The following BMPR2 variants were observed in gnomAD, a reference collection of about 807,000 sequenced individuals.
BMPR2 encodes the protein bone morphogenetic protein receptor type 2.
Under a neutral mutation model 100.8 loss-of-function variants are expected in BMPR2, and 29 were observed. That is an observed-to-expected ratio of 0.29 (90% CI 0.21 to 0.39). The LOEUF is 0.39. Ranked by LOEUF, BMPR2 falls within the 10% of genes least tolerant of loss-of-function variation. The pLI, the probability that BMPR2 is intolerant of heterozygous loss-of-function variation, is 1.00. For missense variants in BMPR2, 1,011 were observed against 1,274.5 expected, an observed-to-expected ratio of 0.79 and a Z score of 3.15; for synonymous variants, 382 against 442.3, an observed-to-expected ratio of 0.86 and a Z score of 1.71.
intron 1 of BMPR2, among the ~76,000 whole-genome samples, chr2:202,378,592 G>C (rs1344711093): frequency 6.6e-6 from 1 of 152,120 alleles, no homozygotes; most frequent in Non-Finnish European, 1.5e-5. Context: ...GGAAAATGCC[G>C]AAGAAAATTT....
At chr2:202,541,250 G>A (rs1688266935) in intron 9 of BMPR2, among the ~76,000 whole-genome samples, 1 of 151,954 alleles carries the variant, frequency 6.6e-6, no homozygotes, top group South Asian at 2.1e-4. Flanking sequence ...AGACCAGCCT[G>A]GGCAACACGG....
intron 1 of BMPR2, among the ~76,000 whole-genome samples, chr2:202,398,622 C>A (rs2105908757): frequency 6.6e-6 from 1 of 152,268 alleles, no homozygotes; most frequent in South Asian, 2.1e-4. Flanking sequence ...TTTGAATATT[C>A]TTGTGGTTTT....
chr2:202,469,448 T>G, intron 3 of BMPR2: 2 of 283,150 alleles, frequency 7.1e-6, no homozygotes, highest in Non-Finnish European at 1.4e-5. Context: ...ATACGCAAAC[T>G]GAAATAAATG....
chr2:202,423,778 G>C (rs571603802), intron 1 of BMPR2, among the ~76,000 whole-genome samples: 8 of 152,222 alleles, frequency 5.3e-5, no homozygotes, highest in South Asian at 4.2e-4. Flanking sequence ...TAAAAGGCCA[G>C]GTACAGTGGC....
chr2:202,533,836 G>C (rs956931746), intron 9 of BMPR2, among the ~76,000 whole-genome samples: 2 of 152,096 alleles, frequency 1.3e-5, no homozygotes, highest in Admixed American at 1.3e-4. Context: ...AAAAGGGAAA[G>C]AATACTCATT....
At chr2:202,474,576 G>T (rs1337934950) in intron 3 of BMPR2, 1 of 152,156 alleles carries the variant, frequency 6.6e-6, no homozygotes, top group Non-Finnish European at 1.5e-5. Flanking sequence ...GCTGGAGTAC[G>T]GTGGCTCACT....
At chr2:202,549,982 T>C (rs1303281775) in intron 10 of BMPR2, among the ~76,000 whole-genome samples, 1 of 152,106 alleles carries the variant, frequency 6.6e-6, no homozygotes, top group Non-Finnish European at 1.5e-5. Context: ...CATAGCTCGC[T>C]ACAGCCTTGA....
At chr2:202,443,655 C>T (rs1162341798) in intron 1 of BMPR2, among the ~76,000 whole-genome samples, 1 of 150,314 alleles carries the variant, frequency 6.7e-6, no homozygotes, top group Non-Finnish European at 1.5e-5. Context: ...CCTCCACCTC[C>T]CTGGTTCAAG....
At chr2:202,404,194 G>A (rs1431780977) in intron 1 of BMPR2, among the ~76,000 whole-genome samples, 1 of 133,800 alleles carries the variant, frequency 7.5e-6, no homozygotes, top group Non-Finnish European at 1.6e-5. Context: ...TCTTTGGGTT[G>A]TTTTTTTTTT....
intron 3 of BMPR2, among the ~76,000 whole-genome samples, chr2:202,492,028 CAT>C (rs1348441989): frequency 2.6e-5 from 4 of 152,092 alleles, no homozygotes; most frequent in Non-Finnish European, 2.9e-5. Flanking sequence ...ATCTTCAAAA[CAT>C]ATTACTGAAC....
chr2:202,441,373 A>G lies in BMPR2; in HGVS notation c.77-23436A>G, dbSNP rs532796690. On this transcript the variant is annotated intron_variant, in intron 1 of 12. Coordinates refer to ENST00000374580, the MANE Select transcript of BMPR2 (RefSeq NM_001204.7). The stretch of plus-strand genomic sequence containing the variant: ...CAATAAATATCTTTTTTGAAATTCT[A>G]AACACTAAGGTTGAATTGTCACTAA... Among the ~76,000 whole-genome samples, 6 of 150,592 alleles carry G rather than the reference A, an allele frequency of 4.0e-5. 1 individual carries two copies. Among genetic ancestry groups the G allele is most frequent in the African/African-American group, 1.5e-4 (6 of 39,986 alleles).
At chr2:202,545,344 C>T (rs575131224) in intron 10 of BMPR2, among the ~76,000 whole-genome samples, 4 of 152,006 alleles carry the variant, frequency 2.6e-5, no homozygotes, top group South Asian at 4.2e-4. Context: ...TTAGCTTCCA[C>T]GATCATAATT....
At chr2:202,424,560 G>C (rs1691343998) in intron 1 of BMPR2, among the ~76,000 whole-genome samples, 1 of 151,782 alleles carries the variant, frequency 6.6e-6, no homozygotes, top group South Asian at 2.1e-4. Flanking sequence ...GCTGGGCGTG[G>C]TGGCAGGCGC....
intron 1 of BMPR2, among the ~76,000 whole-genome samples, chr2:202,382,381 G>C (rs1690322368): frequency 6.6e-6 from 1 of 151,852 alleles, no homozygotes; most frequent in Non-Finnish European, 1.5e-5. Flanking sequence ...AGTAGAGATG[G>C]GGTTTCACCA....
chr2:202,418,494 C>T (rs1434660944), intron 1 of BMPR2, among the ~76,000 whole-genome samples: 1 of 152,208 alleles, frequency 6.6e-6, no homozygotes, highest in African/African-American at 2.4e-5. Context: ...ACACAGCCCT[C>T]AGGCAATCCT....
chr2:202,529,765 T>C (rs1256404660), intron 7 of BMPR2, among the ~76,000 whole-genome samples: 2 of 152,250 alleles, frequency 1.3e-5, no homozygotes, highest in African/African-American at 4.8e-5. Flanking sequence ...TTGGTGAAAT[T>C]GCATTTGAAT....
chr2:202,479,432 T>C (rs908977835), intron 3 of BMPR2, among the ~76,000 whole-genome samples: 4 of 151,224 alleles, frequency 2.6e-5, no homozygotes, highest in Non-Finnish European at 5.9e-5. Flanking sequence ...TAGATTCCCA[T>C]AGAAACTGTG....
intron 3 of BMPR2, among the ~76,000 whole-genome samples, chr2:202,486,547 G>A (rs1692781699): frequency 6.7e-6 from 1 of 148,914 alleles, no homozygotes; most frequent in Non-Finnish European, 1.5e-5. Context: ...CACAAGAATT[G>A]CTTGAACTTG....
chr2:202,422,202 C>T (rs1413458840), intron 1 of BMPR2, among the ~76,000 whole-genome samples: 3 of 152,106 alleles, frequency 2.0e-5, no homozygotes, highest in East Asian at 3.9e-4. Context: ...CCACTGCACC[C>T]GGCCGTTAAA....
Sources: gnomAD v4.1 joint callset for allele counts (sites outside exome capture counted in the v4.1 genomes callset) on GRCh38, gnomAD v4.1.1 for gene constraint, MANE v1.5 for transcripts, NCBI Gene and HGNC (gene_info 2026-07-23, HGNC 2026-07-21) for gene names.